MME: variants seen among roughly 807,000 people sequenced by gnomAD.
MME encodes the protein neprilysin.
Under a neutral mutation model 113.2 loss-of-function variants are expected in MME, and 98 were observed. That is an observed-to-expected ratio of 0.87 (90% CI 0.74 to 1.02). MME has a LOEUF of 1.02. MME is among the 50% of genes least tolerant of loss of function. The probability of loss-of-function intolerance (pLI) is 0.00; values close to 1 mark genes in which losing one functional copy is unlikely to be tolerated. For synonymous variants in MME, 292 were observed against 300.6 expected, an observed-to-expected ratio of 0.97 and a Z score of 0.30; for missense variants, 836 against 896.0, an observed-to-expected ratio of 0.93 and a Z score of 0.86.
At chr3:155,084,443 A>G in intron 2 of MME, 116 bp downstream of exon 2, 1 of 997,978 alleles carries the variant, frequency 1.0e-6, no homozygotes, top group Non-Finnish European at 1.6e-6. Context: ...AAAGACTGAC[A>G]AAGAGATTCA....
chr3:155,063,518 T>C (rs1714252514), intron 1 of MME, among the ~76,000 whole-genome samples: 1 of 112,662 alleles, frequency 8.9e-6, no homozygotes, highest in African/African-American at 4.0e-5. Flanking sequence ...TATTTAAATA[T>C]ATATATTAAA....
chr3:155,036,518 A>T (rs1200487786), intron 1 of MME, among the ~76,000 whole-genome samples: 1 of 152,168 alleles, frequency 6.6e-6, no homozygotes, highest in Admixed American at 6.5e-5. Context: ...TATACATGTG[A>T]TCATACAGTA....
In MME at chr3:155,124,678, G is replaced by A. The variant is rs1240535569; in HGVS notation, c.720+5867G>A. On this transcript the variant is annotated intron_variant, in intron 8 of 22. Transcript: ENST00000360490. ...TGCAGGTCTGTTGGAATACCCTGCC[G>A]TGTGAGGTGTCAGTGTGCCCCTGCT... Among the ~76,000 whole-genome samples, 17 of 151,176 alleles carry A rather than the reference G, an allele frequency of 1.1e-4. No individual in the cohort carries two copies. In the East Asian group the frequency reaches 1.2e-3, roughly 10 times the overall value.
Position 155,084,321 on chromosome 3 carries a change from T to G in MME, c.154T>G (p.Tyr52Asp). The change falls in exon 2 of 23, where the codon TAC (tyrosine) becomes GAC (aspartate). Residue 52 changes from tyrosine (Y) to aspartate (D), a missense_variant. Physicochemically the swap from Tyr to Asp is radical, Grantham distance 160 (BLOSUM62 -3). Coordinates refer to ENST00000360490, the MANE Select transcript of MME (RefSeq NM_007289.4). ...AVTMIALYAT[Y>D]DDGICKSSDC... is the part of the protein sequence containing the mutation. ...GACAATGATCGCACTCTATGCAACCTACGATGGTGAGTTACTCCCACACCT... is the reference window on the plus strand; with the variant it reads ...GACAATGATCGCACTCTATGCAACCGACGATGGTGAGTTACTCCCACACCT... 1 of 1,614,150 alleles carries G rather than the reference T, an allele frequency of 6.2e-7. No homozygotes were observed. Among genetic ancestry groups the G allele is most frequent in the Non-Finnish European group, 8.5e-7 (1 of 1,180,016 alleles).
At chr3:155,150,483 C>T (rs1721842313) in intron 16 of MME, among the ~76,000 whole-genome samples, 1 of 152,134 alleles carries the variant, frequency 6.6e-6, no homozygotes, top group Admixed American at 6.5e-5. Flanking sequence ...ATCACAAATG[C>T]AATATGAATT....
intron 3 of MME, among the ~76,000 whole-genome samples, chr3:155,087,425 C>T (rs773200538): frequency 1.3e-5 from 2 of 151,954 alleles, no homozygotes; most frequent in African/African-American, 2.4e-5. Flanking sequence ...CTTTATTCCC[C>T]AGGGAAATGG....
Position 155,181,879 on chromosome 3 carries a change from T to C in MME, c.*1420T>C, listed in dbSNP as rs1012081059. 6.6e-6 allele frequency: 1 copy of C among 152,118 alleles called. No individual in the cohort carries two copies. The highest frequency in any genetic ancestry group is 2.4e-5 in the African/African-American group (1 of 41,434). 9.4% of individuals were successfully genotyped at this position (152,118 alleles called of 1,614,324 possible). A position where few individuals can be genotyped will look rare whatever the true frequency, so the allele number is the denominator to read the frequency against. ...AGGGAATTTCTATCTAAATGATGAG[T>C]ATTAGTTCCCTGTCTCTTGAAAAAT... On this transcript the variant is annotated 3_prime_UTR_variant, in exon 23 of 23. Coordinates refer to ENST00000360490, the MANE Select transcript of MME (RefSeq NM_007289.4).
At chr3:155,112,497 A>G (rs1481590148) in intron 3 of MME, 1 of 152,208 alleles carries the variant, frequency 6.6e-6, no homozygotes, top group Non-Finnish European at 1.5e-5. Context: ...AGAATGTGCT[A>G]TGGAATCTGG....
At chr3:155,135,922 TC>T (rs1720592675) in intron 8 of MME, among the ~76,000 whole-genome samples, 2 of 152,202 alleles carry the variant, frequency 1.3e-5, no homozygotes, top group South Asian at 4.1e-4. Flanking sequence ...GAGATTGTGT[TC>T]TTGATTTGGC....
In MME at chr3:155,141,986, T is replaced by G; in HGVS notation, c.958-5T>G. Reference sequence around the variant, plus strand: ...TCTGAATGTTTCATGCCTGCTTTTTTCCAGCCATTCAGCTGGTTGAATTTC... The same window carrying G: ...TCTGAATGTTTCATGCCTGCTTTTTGCCAGCCATTCAGCTGGTTGAATTTC... On this transcript the variant is annotated splice_region_variant and splice_polypyrimidine_tract_variant and intron_variant, in intron 10 of 22. Coordinates refer to ENST00000360490, the MANE Select transcript of MME (RefSeq NM_007289.4). 1.2e-6 allele frequency: 2 copies of G among 1,613,506 alleles called. No individual in the cohort carries two copies. The highest frequency in any genetic ancestry group is 1.7e-6 in the Non-Finnish European group (2 of 1,179,608).
chr3:155,146,849 A>G (rs1271343229), intron 14 of MME, among the ~76,000 whole-genome samples: 1 of 152,186 alleles, frequency 6.6e-6, no homozygotes, highest in Non-Finnish European at 1.5e-5. Flanking sequence ...GAAAAAGTTC[A>G]TAAAAGTACA....
At chr3:155,153,291 C>A (rs866237277) in intron 16 of MME, among the ~76,000 whole-genome samples, 1 of 151,844 alleles carries the variant, frequency 6.6e-6, no homozygotes, top group African/African-American at 2.4e-5. Flanking sequence ...CCTTCTAAAG[C>A]GATTTAAATT....
chr3:155,150,926 C>T (rs1721875514), intron 16 of MME, among the ~76,000 whole-genome samples: 1 of 152,112 alleles, frequency 6.6e-6, no homozygotes, highest in Admixed American at 6.5e-5. Flanking sequence ...GATCGAAGCT[C>T]CTCTCATTTT....
chr3:155,092,979 G>T (rs1293344408), intron 3 of MME, among the ~76,000 whole-genome samples: 1 of 151,546 alleles, frequency 6.6e-6, no homozygotes, highest in Non-Finnish European at 1.5e-5. Flanking sequence ...GGTGATGGTT[G>T]CACAACTGTG....
intron 9 of MME, 121 bp from the exon 10 acceptor site, chr3:155,140,070 A>T: frequency 1.7e-6 from 1 of 572,674 alleles, no homozygotes; most frequent in African/African-American, 1.9e-5. Context: ...AATTACAAAA[A>T]CAAGTACAGA....
intron 1 of MME, among the ~76,000 whole-genome samples, chr3:155,041,778 T>C (rs1257980255): frequency 6.6e-6 from 1 of 151,888 alleles, no homozygotes; most frequent in African/African-American, 2.4e-5. Context: ...AGAGCTAGAG[T>C]GGAGAGAAAG....
intron 3 of MME, among the ~76,000 whole-genome samples, chr3:155,088,788 G>A (rs1559909903): frequency 6.6e-6 from 1 of 152,104 alleles, no homozygotes; most frequent in Non-Finnish European, 1.5e-5. Flanking sequence ...AGAGTGGGTG[G>A]GTTCAAACCT....
upstream of MME, among the ~76,000 whole-genome samples, chr3:155,076,755 G>A (rs1253795131): frequency 6.6e-6 from 1 of 152,178 alleles, no homozygotes; most frequent in Non-Finnish European, 1.5e-5. Context: ...AGGGAAAGGG[G>A]CAGAGATTTC....
At chr3:155,138,259 A>G in intron 9 of MME, 23 bp downstream of exon 9, 10 of 1,609,770 alleles carry the variant, frequency 6.2e-6, no homozygotes, top group Non-Finnish European at 8.5e-6. Context: ...TTTTTTTCTG[A>G]TACACTGAAT....
Sources: allele counts gnomAD v4.1 joint callset (sites outside exome capture counted in the v4.1 genomes callset), GRCh38; gene constraint gnomAD v4.1.1; transcripts MANE v1.5; gene names NCBI Gene and HGNC (gene_info 2026-07-23, HGNC 2026-07-21).